Variants in DPP6 observed in about 807,000 individuals in gnomAD.
The protein encoded by DPP6 is A-type potassium channel modulatory protein DPP6.
Under a neutral mutation model 122.6 loss-of-function variants are expected in DPP6, and 69 were observed. The observed-to-expected ratio is 0.56, with a 90% CI of 0.46 to 0.69. The LOEUF (loss-of-function observed/expected upper bound fraction) is 0.69, where lower values mean the gene tolerates loss of function less well. Ranked by LOEUF, DPP6 falls within the 30% of genes least tolerant of loss-of-function variation. The pLI is 0.00. For synonymous variants in DPP6, 418 were observed against 433.1 expected (o/e 0.97, Z 0.43); for missense variants, 928 against 1,116.9 (o/e 0.83, Z 2.41).
chr7:154,263,024 C>G (rs898229365), intron 1 of DPP6, among the ~76,000 whole-genome samples: 1 of 152,232 alleles, frequency 6.6e-6, no homozygotes, highest in Non-Finnish European at 1.5e-5. Context: ...TATAGCGTTA[C>G]TGACTCCGTA....
intron 1 of DPP6, among the ~76,000 whole-genome samples, chr7:154,397,309 T>A (rs1259220364): frequency 6.6e-6 from 1 of 152,078 alleles, no homozygotes; most frequent in Non-Finnish European, 1.5e-5. Flanking sequence ...CTGCACATGT[T>A]CAATTTTAAT....
At chr7:153,884,989 T>TAC (rs199862382), upstream of DPP6, among the ~76,000 whole-genome samples, 3,278 of 16,724 alleles carry the variant, frequency 0.2, 99 homozygotes, top group Non-Finnish European at 0.25. Context: ...AAAACAAAAA[T>TAC]ATATATATAT....
At chr7:154,707,913 A>G (rs1464312551) in intron 7 of DPP6, among the ~76,000 whole-genome samples, 1 of 152,176 alleles carries the variant, frequency 6.6e-6, no homozygotes, top group African/African-American at 2.4e-5. Context: ...GAATTATGGG[A>G]ACTACAATTC....
intron 2 of DPP6, among the ~76,000 whole-genome samples, chr7:154,454,376 C>T (rs1820646765): frequency 6.6e-6 from 1 of 152,194 alleles, no homozygotes; most frequent in Admixed American, 6.5e-5. Flanking sequence ...TAATACTAAT[C>T]GAGACTGGGT....
At chr7:154,888,016 A>G (rs529761517) in intron 23 of DPP6, among the ~76,000 whole-genome samples, 1 of 151,900 alleles carries the variant, frequency 6.6e-6, no homozygotes, top group East Asian at 1.9e-4. Flanking sequence ...CCCAGCGTCC[A>G]TGGATACCTG....
chr7:153,917,045 G>A (rs1800359388), intron 1 of DPP6, among the ~76,000 whole-genome samples: 1 of 152,188 alleles, frequency 6.6e-6, no homozygotes, highest in Non-Finnish European at 1.5e-5. Context: ...TGAAAATCTT[G>A]TGAAAATGTA....
intron 1 of DPP6, among the ~76,000 whole-genome samples, chr7:153,899,802 G>C (rs1411262629): frequency 6.6e-6 from 1 of 152,170 alleles, no homozygotes; most frequent in Non-Finnish European, 1.5e-5. Context: ...GCACAGGCAG[G>C]TGCAGGTGTG....
At chr7:154,790,054 C>T (rs905637347) in intron 10 of DPP6, among the ~76,000 whole-genome samples, 9 of 152,154 alleles carry the variant, frequency 5.9e-5, no homozygotes, top group Admixed American at 2.6e-4. Flanking sequence ...AAAAATTAGC[C>T]GGGCATGGTA....
At chr7:154,727,631 T>G in intron 7 of DPP6, 136 bp from the exon 8 acceptor site, 6 of 1,233,260 alleles carry the variant, frequency 4.9e-6, no homozygotes, top group South Asian at 2.0e-5. Context: ...CCAAGAATTT[T>G]GAGACTGCCT....
At chr7:153,822,745 C>T in the DPP6 span, among the ~76,000 whole-genome samples, 1 of 152,190 alleles carries the variant, frequency 6.6e-6, no homozygotes, top group East Asian at 1.9e-4. Context: ...TGTTTACATG[C>T]ATTTAGCTGA....
intron 8 of DPP6, among the ~76,000 whole-genome samples, chr7:154,766,482 T>C (rs983771736): frequency 3.9e-5 from 6 of 152,154 alleles, no homozygotes; most frequent in African/African-American, 1.4e-4. Context: ...AATTTTTGTA[T>C]TTTTAGTACA....
chr7:154,363,645 G>A (rs190680262), intron 1 of DPP6, among the ~76,000 whole-genome samples: 151 of 152,254 alleles, frequency 9.9e-4, no homozygotes, highest in Non-Finnish European at 1.6e-3. Context: ...GTTGACAGCT[G>A]GTGGTTTGCT....
chr7:154,040,412 C>T (rs575126072), intron 1 of DPP6, among the ~76,000 whole-genome samples: 1,314 of 142,856 alleles, frequency 9.2e-3, no homozygotes, highest in African/African-American at 0.036. Flanking sequence ...AGGCAGCACG[C>T]TTCATGAGGC....
At chr7:154,021,277 T>A (rs1244434518) in intron 1 of DPP6, among the ~76,000 whole-genome samples, 1 of 152,110 alleles carries the variant, frequency 6.6e-6, no homozygotes, top group Non-Finnish European at 1.5e-5. Flanking sequence ...CACCACTTTC[T>A]CCATTTAGTG....
At chr7:153,836,845 C>T in the DPP6 span, among the ~76,000 whole-genome samples, 2 of 152,170 alleles carry the variant, frequency 1.3e-5, no homozygotes, top group Non-Finnish European at 2.9e-5. Context: ...CAATATTAGA[C>T]TCACTCTGAC....
the DPP6 span, among the ~76,000 whole-genome samples, chr7:153,834,115 G>A: frequency 6.6e-6 from 1 of 151,858 alleles, no homozygotes; most frequent in South Asian, 2.1e-4. Context: ...GGCAAAACCC[G>A]GTTTCTACTA....
chr7:154,737,891 C>A (rs963799976), intron 8 of DPP6, among the ~76,000 whole-genome samples: 4 of 152,224 alleles, frequency 2.6e-5, no homozygotes, highest in Non-Finnish European at 4.4e-5. Flanking sequence ...AAATCACAAA[C>A]CTTGTCTGAC....
intron 16 of DPP6, among the ~76,000 whole-genome samples, chr7:154,843,845 C>A (rs1047259444): frequency 6.6e-6 from 1 of 152,170 alleles, no homozygotes; most frequent in Non-Finnish European, 1.5e-5. Context: ...AACCATGGAC[C>A]GCGTCTGGTG....
chr7:153,857,322 T>TCTCTCTCTCTCTCTCTCTCTC, the DPP6 span, among the ~76,000 whole-genome samples: 4 of 124,478 alleles, frequency 3.2e-5, no homozygotes, highest in East Asian at 2.3e-4. Context: ...CTCAAAGGTT[T>TCTCTCTCTCTCTCTCTCTCTC]TCTCTCTCTC....
Sources: gnomAD v4.1 joint callset for allele counts (sites outside exome capture counted in the v4.1 genomes callset) on GRCh38, gnomAD v4.1.1 for gene constraint, MANE v1.5 for transcripts, NCBI Gene and HGNC (gene_info 2026-07-23, HGNC 2026-07-21) for gene names.